Variants in CSGALNACT1 observed in about 807,000 individuals in gnomAD.
CSGALNACT1 encodes the protein chondroitin sulfate N-acetylgalactosaminyltransferase 1.
Under a neutral mutation model 51.0 loss-of-function variants are expected in CSGALNACT1, and 52 were observed. The observed-to-expected ratio is 1.02, with a 90% CI of 0.82 to 1.29. CSGALNACT1 has a LOEUF of 1.29. Ranked by LOEUF, CSGALNACT1 falls within the 50% of genes most tolerant of loss-of-function variation. The pLI, the probability that CSGALNACT1 is intolerant of heterozygous loss-of-function variation, is 0.00. For synonymous variants in CSGALNACT1, 341 were observed against 254.4 expected (o/e 1.34, Z -3.24); for missense variants, 935 against 679.2 (o/e 1.38, Z -4.19).
At chr8:19,520,957 T>G (rs546825701) in intron 3 of CSGALNACT1, among the ~76,000 whole-genome samples, 1 of 152,210 alleles carries the variant, frequency 6.6e-6, no homozygotes, top group African/African-American at 2.4e-5. Context: ...TCTACAGAGG[T>G]GCTTTCGCAG....
At chr8:19,696,239 C>T (rs1215310305) in intron 1 of CSGALNACT1, among the ~76,000 whole-genome samples, 1 of 152,194 alleles carries the variant, frequency 6.6e-6, no homozygotes, top group East Asian at 1.9e-4. Flanking sequence ...TGTCCCCAAT[C>T]CAACTTACAT....
intron 1 of CSGALNACT1, among the ~76,000 whole-genome samples, chr8:19,655,579 C>CACACAT (rs377123745): frequency 0.024 from 2,698 of 111,826 alleles, 44 homozygotes; most frequent in South Asian, 0.069. Flanking sequence ...CACACACACA[C>CACACAT]ATATATATAT....
intron 1 of CSGALNACT1, among the ~76,000 whole-genome samples, chr8:19,716,737 G>T (rs1292433585): frequency 1.3e-5 from 2 of 151,676 alleles, no homozygotes; most frequent in African/African-American, 4.8e-5. Context: ...AGTTGTAGTG[G>T]GCCAAGATCG....
In CSGALNACT1 at chr8:19,431,050, T is replaced by A. The variant is rs376062715; in HGVS notation, c.953+8780A>T. 9.3e-4 allele frequency among the ~76,000 whole-genome samples: 142 copies of A among 152,294 alleles called. 1 individual carries two copies. In the South Asian group the frequency reaches 0.027, roughly 29 times the overall value. On this transcript the variant is annotated intron_variant, in intron 6 of 9. Coordinates refer to ENST00000454498, the Ensembl canonical transcript of CSGALNACT1. ...TCTTGTACCTCACAACTTTACTGAA[T>A]TTGTTCTTAGCTCTAATAGTTTTGT...
At chr8:19,602,537 A>G (rs1159162236), upstream of CSGALNACT1, 1 of 152,246 alleles carries the variant, frequency 6.6e-6, no homozygotes, top group Non-Finnish European at 1.5e-5. Context: ...CCCGCTCCCC[A>G]GGGAGAACGG....
intron 1 of CSGALNACT1, among the ~76,000 whole-genome samples, chr8:19,751,491 A>T (rs1168724738): frequency 1.3e-5 from 2 of 152,206 alleles, no homozygotes; most frequent in Non-Finnish European, 2.9e-5. Flanking sequence ...CGCTAAGTTT[A>T]CCTGAATCCT....
chr8:19,514,244 G>C (rs998531632), intron 3 of CSGALNACT1, among the ~76,000 whole-genome samples: 2 of 151,792 alleles, frequency 1.3e-5, no homozygotes, highest in Non-Finnish European at 2.9e-5. Context: ...GGCTGTGGAA[G>C]GATCTGAAGC....
Position 19,513,436 on chromosome 8 carries a change from C to CTCTCTATATA in CSGALNACT1, c.-296-7307_-296-7306insTATATAGAGA. Among the ~76,000 whole-genome samples the CTCTCTATATA allele has an allele frequency of 6.3e-3, 514 of 81,894 alleles. 5 individuals are homozygous for CTCTCTATATA. The highest frequency in any genetic ancestry group is 0.014 in the East Asian group (18 of 1,264). The allele number at this position is 81,894 out of a possible 152,430, so 53.7% of individuals were successfully genotyped here. A position where few individuals can be genotyped will look rare whatever the true frequency, so the allele number is the denominator to read the frequency against. ...TCTCACTCTCTCTCTCTCTCTCTCT[C>CTCTCTATATA]TATATATATATATATATATATATAT... is the stretch of plus-strand genomic sequence containing the variant. On this transcript the variant is annotated intron_variant, in intron 3 of 9. Transcript: ENST00000454498.
chr8:19,568,105 C>A (rs999897059), intron 3 of CSGALNACT1, among the ~76,000 whole-genome samples: 1 of 152,104 alleles, frequency 6.6e-6, no homozygotes, highest in Admixed American at 6.5e-5. Flanking sequence ...GTAGAGATAT[C>A]TTGATTTGTT....
intron 1 of CSGALNACT1, among the ~76,000 whole-genome samples, chr8:19,664,259 G>A (rs2059000784): frequency 6.6e-6 from 1 of 152,152 alleles, no homozygotes; most frequent in South Asian, 2.1e-4. Context: ...TGAATAAATG[G>A]CATTTTGCAA....
chr8:19,528,895 T>C (rs2082222942), intron 3 of CSGALNACT1, among the ~76,000 whole-genome samples: 1 of 152,156 alleles, frequency 6.6e-6, no homozygotes, highest in African/African-American at 2.4e-5. Flanking sequence ...TAGTTCTCTC[T>C]TGAGATGGAA....
At chr8:19,684,002 C>A (rs1589500960), upstream of CSGALNACT1, among the ~76,000 whole-genome samples, 1 of 151,984 alleles carries the variant, frequency 6.6e-6, no homozygotes, top group Non-Finnish European at 1.5e-5. Context: ...CCCGTCTATA[C>A]TAAAAATATA....
chr8:19,668,520 A>G (rs1666182730), intron 1 of CSGALNACT1, among the ~76,000 whole-genome samples: 1 of 152,164 alleles, frequency 6.6e-6, no homozygotes, highest in South Asian at 2.1e-4. Flanking sequence ...CTCAAACCCA[A>G]AGATTCCTAG....
chr8:19,686,392 G>C (rs1323148014), upstream of CSGALNACT1, among the ~76,000 whole-genome samples: 1 of 152,168 alleles, frequency 6.6e-6, no homozygotes, highest in East Asian at 1.9e-4. Flanking sequence ...AGCCCACCAG[G>C]TCTCAGGAGC....
At chr8:19,416,160 G>C (rs1309322663) in intron 8 of CSGALNACT1, among the ~76,000 whole-genome samples, 2 of 140,070 alleles carry the variant, frequency 1.4e-5, no homozygotes, top group Non-Finnish European at 3.0e-5. Context: ...TGTTGCCCAG[G>C]CTGGAGTGCA....
At chr8:19,571,839 G>C (rs2043115280) in intron 3 of CSGALNACT1, among the ~76,000 whole-genome samples, 1 of 152,198 alleles carries the variant, frequency 6.6e-6, no homozygotes, top group South Asian at 2.1e-4. Context: ...TGCCTGGAAA[G>C]CTAATGTATG....
At chr8:19,720,760 T>C (rs540223367) in intron 1 of CSGALNACT1, among the ~76,000 whole-genome samples, 2 of 152,340 alleles carry the variant, frequency 1.3e-5, no homozygotes, top group Admixed American at 6.5e-5. Context: ...TGGATGACTC[T>C]GGTGCTGCTG....
At chr8:19,706,004 C>CA (rs1201708727) in intron 1 of CSGALNACT1, among the ~76,000 whole-genome samples, 2 of 151,818 alleles carry the variant, frequency 1.3e-5, no homozygotes, top group African/African-American at 4.8e-5. Flanking sequence ...AAGACAAAGG[C>CA]AAAAAAATCT....
intron 4 of CSGALNACT1, among the ~76,000 whole-genome samples, chr8:19,488,190 A>T (rs1332665526): frequency 6.6e-6 from 1 of 151,720 alleles, no homozygotes; most frequent in Non-Finnish European, 1.5e-5. Flanking sequence ...TCTCTATTGA[A>T]AATACAAAAA....
Sources: gnomAD v4.1 joint callset for allele counts (sites outside exome capture counted in the v4.1 genomes callset) on GRCh38, gnomAD v4.1.1 for gene constraint, MANE v1.5 for transcripts, NCBI Gene and HGNC (gene_info 2026-07-23, HGNC 2026-07-21) for gene names.